The following PCNX1 variants were observed in gnomAD, a reference collection of about 807,000 sequenced individuals.
PCNX1 encodes the protein pecanex-like protein 1.
A neutral mutation model predicts 242.2 loss-of-function variants in PCNX1; 78 were observed. That is an observed-to-expected ratio of 0.32 (90% confidence interval 0.27 to 0.39). The LOEUF is 0.39. Among genes scored for constraint, PCNX1 ranks in the 10% least tolerant of loss-of-function variants. The pLI is 1.00. For missense variants in PCNX1, 2,581 were observed against 2,856.5 expected, an observed-to-expected ratio of 0.90 and a Z score of 2.20; for synonymous variants, 1,024 against 1,032.9, an observed-to-expected ratio of 0.99 and a Z score of 0.17.
chr14:71,093,697 G>A (rs1440606098), intron 30 of PCNX1: 1 of 152,234 alleles, frequency 6.6e-6, no homozygotes, highest in African/African-American at 2.4e-5. Flanking sequence ...GTTAAACCAA[G>A]TGTGCCTGCT....
chr14:70,918,011 A>G (rs867282842), intron 1 of PCNX1, among the ~76,000 whole-genome samples: 1 of 152,172 alleles, frequency 6.6e-6, no homozygotes, highest in African/African-American at 2.4e-5. Flanking sequence ...GCTAGAGTCA[A>G]ATTTTCTTCA....
At chr14:71,062,245 T>TC (rs1250388187) in intron 26 of PCNX1, among the ~76,000 whole-genome samples, 1 of 152,118 alleles carries the variant, frequency 6.6e-6, no homozygotes, top group African/African-American at 2.4e-5. Flanking sequence ...AGATGGCAGC[T>TC]CCATGTGTGT....
intron 11 of PCNX1, among the ~76,000 whole-genome samples, chr14:71,018,496 GT>G (rs2060015070): frequency 6.6e-6 from 1 of 152,112 alleles, no homozygotes; most frequent in Non-Finnish European, 1.5e-5. Context: ...AGTAATTCTA[GT>G]AAGTGAGTTT....
intron 6 of PCNX1, among the ~76,000 whole-genome samples, chr14:70,982,930 A>G (rs943850849): frequency 6.6e-6 from 1 of 152,260 alleles, no homozygotes; most frequent in African/African-American, 2.4e-5. Context: ...CCTGTCTCAC[A>G]GTTAACTGTC....
At chr14:71,037,688 T>A (rs915313003) in intron 19 of PCNX1, among the ~76,000 whole-genome samples, 1 of 152,018 alleles carries the variant, frequency 6.6e-6, no homozygotes, top group African/African-American at 2.4e-5. Flanking sequence ...GGATTCGGTT[T>A]GCCAGTATTT....
At chr14:71,024,057 A>G (rs1284419284) in intron 13 of PCNX1, among the ~76,000 whole-genome samples, 2 of 152,170 alleles carry the variant, frequency 1.3e-5, no homozygotes, top group Non-Finnish European at 2.9e-5. Context: ...TTGGAAGGGC[A>G]GTACAAAGAA....
chr14:70,946,981 C>G lies in PCNX1; in HGVS notation c.220C>G (p.Leu74Val), dbSNP rs1170989531. The change falls in exon 2 of 36, where the codon CTG (leucine) becomes GTG (valine). Residue 74 changes from leucine to valine, a missense_variant. By Grantham distance (32) the Leu-to-Val change is conservative. Around this residue, in one of 9 missense-constraint regions of PCNX1, gnomAD observed 1,204 missense variants for 1,216.7 expected, o/e 0.99. Transcript: ENST00000304743. ...CPVIAAVFIVLKMVNYRLHRA... is the reference protein window; with the variant it reads ...CPVIAAVFIVVKMVNYRLHRA... ...TGTGATAGCTGCTGTTTTCATTGTTCTGAAGATGGTCAACTATCGACTACA... is the reference window on the plus strand; with the variant it reads ...TGTGATAGCTGCTGTTTTCATTGTTGTGAAGATGGTCAACTATCGACTACA... 1.2e-6 allele frequency: 2 copies of G among 1,613,648 alleles called. No individual in the cohort carries two copies. Among genetic ancestry groups the G allele is most frequent in the African/African-American group, 1.3e-5 (1 of 74,892 alleles).
Position 70,935,645 on chromosome 14 carries a change from T to A in PCNX1, c.154-11270T>A, listed in dbSNP as rs145691048. Among the ~76,000 whole-genome samples, 208 of 152,344 alleles carry A rather than the reference T, an allele frequency of 1.4e-3. 1 individual carries two copies. The highest frequency in any genetic ancestry group is 4.9e-3 in the African/African-American group (204 of 41,566). ...GAATTTGTCTAACACTGAGTAATAA[T>A]GTTGGGGTTGTTGCCTTTCTGTCCA... On this transcript the variant is annotated intron_variant, in intron 1 of 35. Coordinates refer to ENST00000304743, the MANE Select transcript of PCNX1 (RefSeq NM_014982.3).
intron 13 of PCNX1, among the ~76,000 whole-genome samples, chr14:71,025,556 T>C (rs767489562): frequency 6.6e-6 from 1 of 152,120 alleles, no homozygotes; most frequent in Non-Finnish European, 1.5e-5. Flanking sequence ...TGTATGTATG[T>C]ACATATATAC....
At chr14:71,035,182 A>T (rs2060494913) in intron 18 of PCNX1, among the ~76,000 whole-genome samples, 2 of 152,244 alleles carry the variant, frequency 1.3e-5, no homozygotes, top group South Asian at 2.1e-4. Flanking sequence ...GTGAATAGAC[A>T]CTGCACTCCA....
chr14:70,977,706 G>A lies in PCNX1; in HGVS notation c.1369G>A (p.Glu457Lys). 1 of 1,614,120 alleles carries A rather than the reference G, an allele frequency of 6.2e-7. No homozygotes were observed. The highest frequency in any genetic ancestry group is 1.7e-5 in the Admixed American group (1 of 60,022). Residue 457 changes from glutamate to lysine, a missense_variant, in exon 6 of 36, where the codon GAA (glutamate) becomes AAA (lysine). Around this residue, in one of 9 missense-constraint regions of PCNX1, gnomAD observed 1,204 missense variants for 1,216.7 expected, o/e 0.99. Coordinates refer to ENST00000304743, the MANE Select transcript of PCNX1 (RefSeq NM_014982.3). ...GACTAGCAGTGAAAAGATTGCTATG[G>A]AAGCGAGTACCAACAGTGGGGTTCA... Reference protein sequence around the residue: ...KRTSSEKIAMEASTNSGVHEA... With the variant: ...KRTSSEKIAMKASTNSGVHEA...
At chr14:71,081,662 T>G (rs1216671739) in intron 28 of PCNX1, among the ~76,000 whole-genome samples, 1 of 152,216 alleles carries the variant, frequency 6.6e-6, no homozygotes, top group Non-Finnish European at 1.5e-5. Context: ...TAGAGGTGTT[T>G]ATAGTATTCT....
Position 71,079,825 on chromosome 14 carries a change from T to C in PCNX1, c.5337+3406T>C, listed in dbSNP as rs189895586. Reference sequence around the variant, plus strand: ...ATTTTCTCCCATTCTGTAGGTTGCCTGTTCACTCTGATAATAGTTTCTTTT... The same window carrying C: ...ATTTTCTCCCATTCTGTAGGTTGCCCGTTCACTCTGATAATAGTTTCTTTT... On this transcript the variant is annotated intron_variant, in intron 28 of 35. Coordinates refer to ENST00000304743, the MANE Select transcript of PCNX1 (RefSeq NM_014982.3). 2.0e-5 allele frequency among the ~76,000 whole-genome samples: 3 copies of C among 152,350 alleles called. No homozygotes were observed. In the East Asian group the frequency reaches 5.8e-4, roughly 29 times the overall value.
chr14:70,949,463 C>G (rs901487312), intron 2 of PCNX1, among the ~76,000 whole-genome samples: 1 of 151,166 alleles, frequency 6.6e-6, no homozygotes, highest in Admixed American at 6.6e-5. Context: ...TATACACATA[C>G]GCATGTGTAT....
rs761689971 is a variant in PCNX1, at chr14:70,977,509, G to A, written c.1172G>A (p.Arg391Gln). Residue 391 changes from arginine to glutamine, a missense_variant, in exon 6 of 36, where the codon CGG becomes CAG. By Grantham distance (43) the Arg-to-Gln change is conservative. Transcript: ENST00000304743. ...STESYCSGTD[R>Q]DTNSTVSSYK... ...GAAAGCTACTGCAGTGGAACGGACC[G>A]GGACACTAACAGTACTGTCAGCAGC... 9.3e-6 allele frequency: 15 copies of A among 1,614,000 alleles called. No individual in the cohort carries two copies. The highest frequency in any genetic ancestry group is 4.5e-5 in the East Asian group (2 of 44,888).
At chr14:71,055,380 TCCAGAGA>T in intron 24 of PCNX1, 117 bp from the exon 25 acceptor site, 1 of 607,020 alleles carries the variant, frequency 1.6e-6, no homozygotes, top group Non-Finnish European at 2.9e-6. Flanking sequence ...ACAGATTTTT[TCCAGAGA>T]TTTTCATAAA....
At chr14:71,011,666 G>A in intron 10 of PCNX1, 117 bp downstream of exon 10, 1 of 650,344 alleles carries the variant, frequency 1.5e-6, no homozygotes, top group South Asian at 1.9e-5. Context: ...AAAATTTTTT[G>A]AAAACTATGG....
chr14:71,057,364 G>A (rs2141244272), intron 25 of PCNX1, 145 bp from the exon 26 acceptor site: 1 of 587,384 alleles, frequency 1.7e-6, no homozygotes, highest in South Asian at 2.3e-5. Flanking sequence ...TTTTACTTTT[G>A]TATAGAAACT....
chr14:70,968,632 C>A (rs1159246020), intron 4 of PCNX1, among the ~76,000 whole-genome samples: 1 of 152,160 alleles, frequency 6.6e-6, no homozygotes, highest in Non-Finnish European at 1.5e-5. Context: ...GCTATTTGAT[C>A]TATTCAGATA....
Sources: gnomAD v4.1 joint callset for allele counts (sites outside exome capture counted in the v4.1 genomes callset) on GRCh38, gnomAD v4.1.1 for gene constraint, gnomAD v4.1.1 regional missense constraint, MANE v1.5 for transcripts, NCBI Gene and HGNC (gene_info 2026-07-23, HGNC 2026-07-21) for gene names.